IGSF10: variants seen among roughly 807,000 people sequenced by gnomAD.
The protein encoded by IGSF10 is immunoglobulin superfamily member 10, also known as calvaria mechanical force protein 608.
Under a neutral mutation model 128.2 loss-of-function variants are expected in IGSF10, and 126 were observed. The observed-to-expected ratio is 0.98, with a 90% confidence interval of 0.85 to 1.14. IGSF10 has a LOEUF of 1.14. IGSF10 is among the 50% of genes most tolerant of loss of function. The pLI is 0.00. For missense variants in IGSF10, 3,295 were observed against 3,149.8 expected (o/e 1.05, Z -1.10); for synonymous variants, 1,185 against 1,146.2 (o/e 1.03, Z -0.68).
chr3:151,542,086 C>A, the IGSF10 span, among the ~76,000 whole-genome samples: 2 of 152,140 alleles, frequency 1.3e-5, no homozygotes, highest in African/African-American at 4.8e-5. Flanking sequence ...GCTTTTACAG[C>A]ACTTGCTTTA....
At chr3:151,508,028 AC>A in the IGSF10 span, among the ~76,000 whole-genome samples, 3 of 152,292 alleles carry the variant, frequency 2.0e-5, no homozygotes, top group Admixed American at 2.0e-4. Flanking sequence ...CTAATATAAA[AC>A]AGTTCAAAAT....
At position 151,437,643 on chromosome 3, in the gene IGSF10, T is replaced by C; in HGVS notation, c.6918A>G (p.Ser2306=). The C allele has an allele frequency of 6.2e-7, 1 of 1,614,236 alleles. No homozygotes were observed. The highest frequency in any genetic ancestry group is 1.7e-5 in the Admixed American group (1 of 60,034). ...CCACACAGATAAAGTCGGCTGAATC[T>C]GAAAGCCTCACATTCCTAATTTCCA... The part of the protein sequence containing the change: ...GTLEIRNVRL[S]DSADFICVAR... The change falls in exon 8 of 8, where the codon TCA becomes TCG. Residue 2306 remains serine (S), a synonymous_variant. Transcript: ENST00000282466.
chr3:151,513,057 C>G, the IGSF10 span, among the ~76,000 whole-genome samples: 3 of 152,152 alleles, frequency 2.0e-5, no homozygotes, highest in South Asian at 6.2e-4. Context: ...TGGTACCATT[C>G]CTTCTGAAAC....
chr3:151,515,037 A>C, the IGSF10 span, among the ~76,000 whole-genome samples: 3 of 152,202 alleles, frequency 2.0e-5, no homozygotes, highest in African/African-American at 7.2e-5. Flanking sequence ...TAACTAGTTC[A>C]ACCATTGTGA....
the IGSF10 span, among the ~76,000 whole-genome samples, chr3:151,587,514 AT>A: frequency 5.3e-5 from 8 of 151,170 alleles, no homozygotes; most frequent in African/African-American, 1.7e-4. Context: ...ATTGAATCAG[AT>A]TTTTTTTTCA....
At chr3:151,545,177 C>A in the IGSF10 span, among the ~76,000 whole-genome samples, 1 of 151,464 alleles carries the variant, frequency 6.6e-6, no homozygotes, top group Admixed American at 6.6e-5. Context: ...CTCTTTTTTT[C>A]TGGGCTTGAT....
In IGSF10 at chr3:151,445,902, A is replaced by G. The variant is rs1376912412; in HGVS notation, c.4079T>C (p.Ile1360Thr). 1.9e-6 allele frequency: 3 copies of G among 1,613,926 alleles called. No homozygotes were observed. The highest frequency in any genetic ancestry group is 2.2e-5 in the South Asian group (2 of 91,072). Residue 1360 changes from isoleucine to threonine, a missense_variant, in exon 6 of 8, where the codon ATC (isoleucine) becomes ACC (threonine). Transcript: ENST00000282466. ...PQKKNRTDPN[I>T]SPDQSSGFTT... The stretch of plus-strand genomic sequence containing the variant: ...GAAGCCAGAACTCTGGTCTGGAGAG[A>G]TGTTTGGGTCAGTCCTGTTCTTCTT...
At chr3:151,514,103 C>A in the IGSF10 span, among the ~76,000 whole-genome samples, 38 of 151,900 alleles carry the variant, frequency 2.5e-4, no homozygotes, top group African/African-American at 8.5e-4. Context: ...ACTTTCTTCA[C>A]AGAATTGGAA....
chr3:151,496,650 T>A, the IGSF10 span, among the ~76,000 whole-genome samples: 2 of 149,950 alleles, frequency 1.3e-5, no homozygotes, highest in Non-Finnish European at 3.0e-5. Context: ...CATGTGCATG[T>A]GTCTTTATAG....
the IGSF10 span, among the ~76,000 whole-genome samples, chr3:151,481,386 T>C: frequency 2.6e-5 from 4 of 152,312 alleles, no homozygotes; most frequent in East Asian, 7.7e-4. Flanking sequence ...TGGGTCCATG[T>C]TGCTGCTGCT....
In IGSF10 at chr3:151,444,946, T is replaced by G. The variant is rs1721091657; in HGVS notation, c.5035A>C (p.Thr1679Pro). ...PCEAVGNPLP[T>P]IHWTRVPSGL... ...GATGGGACTCTGGTCCAATGAATGG[T>G]GGGCAGGGGATTTCCAACAGCTTCA... The change falls in exon 6 of 8, where the codon ACC becomes CCC. Residue 1679 changes from threonine (T) to proline (P), a missense_variant. Coordinates refer to ENST00000282466, the MANE Select transcript of IGSF10 (RefSeq NM_178822.5). The G allele has an allele frequency of 6.2e-7, 1 of 1,610,516 alleles. No homozygotes were observed. Among genetic ancestry groups the G allele is most frequent in the Admixed American group, 1.7e-5 (1 of 59,248 alleles).
chr3:151,569,949 G>C, the IGSF10 span, among the ~76,000 whole-genome samples: 1 of 137,726 alleles, frequency 7.3e-6, no homozygotes, highest in Non-Finnish European at 1.5e-5. Context: ...TGTTCTCATT[G>C]TTCAATTCCC....
At position 151,448,269 on chromosome 3, in the gene IGSF10, G is replaced by A. The variant is rs1297929184; in HGVS notation, c.1712C>T (p.Pro571Leu). 1.2e-6 allele frequency: 2 copies of A among 1,614,198 alleles called. No homozygotes were observed. Among genetic ancestry groups the A allele is most frequent in the South Asian group, 2.2e-5 (2 of 91,088 alleles). The change falls in exon 6 of 8, where the codon CCT (proline) becomes CTT (leucine). Residue 571 changes from proline (P) to leucine (L), a missense_variant. Physicochemically the swap from Pro to Leu is moderately conservative, Grantham distance 98. Transcript: ENST00000282466. ...ILTYRITVVEPLVEAYQENGI... is the reference protein window; with the variant it reads ...ILTYRITVVELLVEAYQENGI... The stretch of plus-strand genomic sequence containing the variant: ...ATTTTCCTGATAGGCTTCGACCAAA[G>A]GTTCTACCACAGTTATCCTATAGGT...
the IGSF10 span, among the ~76,000 whole-genome samples, chr3:151,580,241 T>C: frequency 4.6e-5 from 7 of 151,974 alleles, no homozygotes; most frequent in Admixed American, 1.3e-4. Context: ...CCAGTTAATA[T>C]ACTACTGAAA....
At chr3:151,490,712 A>G in the IGSF10 span, among the ~76,000 whole-genome samples, 2 of 152,310 alleles carry the variant, frequency 1.3e-5, no homozygotes, top group South Asian at 4.1e-4. Context: ...TTAGAAATAA[A>G]TAACAAGAAG....
At chr3:151,569,233 G>A in the IGSF10 span, among the ~76,000 whole-genome samples, 4 of 152,088 alleles carry the variant, frequency 2.6e-5, no homozygotes, top group Non-Finnish European at 4.4e-5. Context: ...TACCACATCC[G>A]GCAAAGTTTT....
Position 151,436,926 on chromosome 3 carries a change from G to GGAAA in IGSF10, c.7634_7635insTTTC (p.Gln2547LeufsTer21). 6.2e-7 allele frequency: 1 copy of GGAAA among 1,614,168 alleles called. No individual in the cohort carries two copies. Among genetic ancestry groups the GGAAA allele is most frequent in the Non-Finnish European group, 8.5e-7 (1 of 1,180,004 alleles). ...CCAAGGCCACACAGTGGAGCTGAAA[G>GGAAA]GCTGCCCCTGTCCTGGTGACAATAC... On this transcript the variant is annotated frameshift_variant, in exon 8 of 8. Transcript: ENST00000282466. LOFTEE classifies it low-confidence loss of function (END_TRUNC).
chr3:151,501,240 C>T, the IGSF10 span, among the ~76,000 whole-genome samples: 1 of 151,978 alleles, frequency 6.6e-6, no homozygotes. Flanking sequence ...CCTCAAGCTT[C>T]CCTGTCTTCC....
the IGSF10 span, among the ~76,000 whole-genome samples, chr3:151,475,415 T>G: frequency 2.0e-5 from 3 of 152,236 alleles, 1 homozygote; most frequent in South Asian, 6.2e-4. Flanking sequence ...GAGAAGGATT[T>G]CATGCTTCTA....
Sources: gnomAD v4.1 joint callset for allele counts (sites outside exome capture counted in the v4.1 genomes callset) on GRCh38, gnomAD v4.1.1 for gene constraint, MANE v1.5 for transcripts, NCBI Gene and HGNC (gene_info 2026-07-23, HGNC 2026-07-21) for gene names.